AK1: variants seen among roughly 807,000 people sequenced by gnomAD.
AK1 encodes adenylate kinase isoenzyme 1.
Under a neutral mutation model 23.9 loss-of-function variants are expected in AK1, and 13 were observed. That is an observed-to-expected ratio of 0.54 (90% confidence interval 0.35 to 0.86). The LOEUF is 0.86. AK1 is among the 40% of genes least tolerant of loss of function. The probability of loss-of-function intolerance (pLI) is 0.01; values close to 1 mark genes in which losing one functional copy is unlikely to be tolerated. For synonymous variants in AK1, 97 were observed against 102.8 expected, an observed-to-expected ratio of 0.94 and a Z score of 0.34; for missense variants, 214 against 255.1, an observed-to-expected ratio of 0.84 and a Z score of 1.10.
At chr9:127,870,200 C>CT (rs36059128) in intron 5 of AK1, among the ~76,000 whole-genome samples, 100,506 of 122,176 alleles carry the variant, frequency 0.82, 41,854 homozygotes, top group Admixed American at 0.86. Context: ...AGGGTGGGGA[C>CT]TTTTTTTTTT....
At chr9:127,878,531 A>C (rs1829587312), upstream of AK1, 1 of 152,208 alleles carries the variant, frequency 6.6e-6, no homozygotes, top group Admixed American at 6.5e-5. Context: ...ACTGGCACAT[A>C]GTAGTAGGTG....
intron 3 of AK1, 56 bp from the exon 4 acceptor site, chr9:127,872,909 G>A: frequency 6.2e-7 from 1 of 1,613,204 alleles, no homozygotes; most frequent in Non-Finnish European, 8.5e-7. Context: ...GGAGGAACAG[G>A]GGCTGCCAGG....
intron 4 of AK1, 109 bp downstream of exon 4, chr9:127,872,581 G>A: frequency 2.1e-6 from 3 of 1,445,468 alleles, no homozygotes; most frequent in Non-Finnish European, 2.9e-6. Flanking sequence ...TTGGAGCCGG[G>A]GGCGGTTACG....
chr9:127,868,070 C>T lies in AK1; in HGVS notation c.523G>A (p.Ala175Thr), dbSNP rs1433788041. The change falls in exon 7 of 7, where the codon GCT becomes ACT. Residue 175 changes from alanine to threonine, a missense_variant. Coordinates refer to ENST00000644144, the MANE Select transcript of AK1 (RefSeq NM_000476.3). The surrounding 1 kb of genome is among the most constrained non-coding windows in gnomAD (Gnocchi z 4.1). The part of the protein sequence containing the change: ...EKRGIVRKVN[A>T]EGSVDSVFSQ... ...AAGACACTGTCCACGGAGCCCTCAG[C>T]GTTGACCTGTGGGGAGATGGGCCGT... The T allele has an allele frequency of 5.0e-6, 8 of 1,613,892 alleles. No individual in the cohort carries two copies. The highest frequency in any genetic ancestry group is 5.1e-6 in the Non-Finnish European group (6 of 1,179,942).
Position 127,877,539 on chromosome 9 carries a change from C to G in AK1, c.-33+84G>C, listed in dbSNP as rs1829568963. The G allele has an allele frequency of 6.5e-6, 1 of 152,886 alleles. No homozygotes were observed. The highest frequency in any genetic ancestry group is 2.4e-5 in the African/African-American group (1 of 41,450). 9.5% of individuals were successfully genotyped at this position (152,886 alleles called of 1,614,324 possible). On this transcript the variant is annotated intron_variant, in intron 1 of 6. Coordinates refer to ENST00000644144, the MANE Select transcript of AK1 (RefSeq NM_000476.3). This position sits in a 1 kb window ranked among gnomAD's most constrained non-coding sequence, Gnocchi z 5.2. ...GCCGCACAGCCCCCAGGGAGCCCCGCACCAGCACGCCCCCGCCCTCCCCCG... is the reference window on the plus strand; with the variant it reads ...GCCGCACAGCCCCCAGGGAGCCCCGGACCAGCACGCCCCCGCCCTCCCCCG...
rs1219364003 is a variant in AK1, at chr9:127,867,952, TC to T, written c.*55del. The T allele has an allele frequency of 8.9e-6, 14 of 1,574,184 alleles. No homozygotes were observed. The South Asian group carries it at 1.6e-4, about 17-fold the overall frequency. ...GCGCTGCGCTCAGGCCAGGAGGACC[TC>T]GAATCAGGACGGGGTGGGGCGGGGC... is the stretch of plus-strand genomic sequence containing the variant. On this transcript the variant is annotated 3_prime_UTR_variant, in exon 7 of 7. Transcript: ENST00000644144.
chr9:127,868,618 C>T lies in AK1; in HGVS notation c.325-106G>A, dbSNP rs1423577448. 1 of 1,316,922 alleles carries T rather than the reference C, an allele frequency of 7.6e-7. No individual in the cohort carries two copies. Among genetic ancestry groups the T allele is most frequent in the African/African-American group, 1.5e-5 (1 of 68,414 alleles). 81.6% of individuals were successfully genotyped at this position (1,316,922 alleles called of 1,614,324 possible). ...CCCAGTAGATACCCCCTCAGACCTTCAATCCCTTCCCCAAGGCAGCCTGAA... is the reference window on the plus strand; with the variant it reads ...CCCAGTAGATACCCCCTCAGACCTTTAATCCCTTCCCCAAGGCAGCCTGAA... On this transcript the variant is annotated intron_variant, in intron 5 of 6. Transcript: ENST00000644144. This position sits in a 1 kb window ranked among gnomAD's most constrained non-coding sequence, Gnocchi z 4.1.
chr9:127,873,098 C>T lies in AK1; in HGVS notation c.8-37G>A, dbSNP rs780043007. 22 of 1,605,736 alleles carry T rather than the reference C, an allele frequency of 1.4e-5. No individual in the cohort carries two copies. The Middle Eastern group carries it at 6.6e-4, about 48-fold the overall frequency. On this transcript the variant is annotated intron_variant, in intron 2 of 6. Coordinates refer to ENST00000644144, the MANE Select transcript of AK1 (RefSeq NM_000476.3). ...AAAAGGGGAGCAGGGCTCAGTCACTCGCTGGACCCACAGCCAGAGGCACCT... is the reference window on the plus strand; with the variant it reads ...AAAAGGGGAGCAGGGCTCAGTCACTTGCTGGACCCACAGCCAGAGGCACCT...
chr9:127,876,875 G>A (rs1486651489), intron 1 of AK1, among the ~76,000 whole-genome samples: 1 of 152,244 alleles, frequency 6.6e-6, no homozygotes, highest in African/African-American at 2.4e-5. Flanking sequence ...TAAGGGGCCT[G>A]TGGGGCCGAA....
upstream of AK1, chr9:127,879,496 C>G (rs1423165550): frequency 6.6e-6 from 1 of 151,394 alleles, no homozygotes; most frequent in Non-Finnish European, 1.5e-5. Flanking sequence ...GGTGGTGCGC[C>G]CCTGTAATCC....
At position 127,866,599 on chromosome 9, in the gene AK1, G is replaced by C. The variant is rs1829253649; in HGVS notation, c.*1409C>G. 1 of 152,212 alleles carries C rather than the reference G, an allele frequency of 6.6e-6. No individual in the cohort carries two copies. Among genetic ancestry groups the C allele is most frequent in the Admixed American group, 6.5e-5 (1 of 15,278 alleles). The allele number at this position is 152,212 out of a possible 1,614,324, so 9.4% of individuals were successfully genotyped here. On this transcript the variant is annotated 3_prime_UTR_variant, in exon 7 of 7. Coordinates refer to ENST00000644144, the MANE Select transcript of AK1 (RefSeq NM_000476.3). ...AACTGTTCGGATTTCATTCGGGCAG[G>C]CGGGGTCCACAAGAGGCTCTCTTGG... is the stretch of plus-strand genomic sequence containing the variant.
rs1393381803 is a variant in AK1 at position 127,871,074 on chromosome 9, T to C, written c.324+749A>G. On this transcript the variant is annotated intron_variant, in intron 5 of 6. Coordinates refer to ENST00000644144, the MANE Select transcript of AK1 (RefSeq NM_000476.3). The surrounding 1 kb of genome is among the most constrained non-coding windows in gnomAD (Gnocchi z 4.4). ...GCATGTGCAGGAGTGCAGTATCCACTGCCGTGTGTGTGCATGTGTGCACAT... is the reference window on the plus strand; with the variant it reads ...GCATGTGCAGGAGTGCAGTATCCACCGCCGTGTGTGTGCATGTGTGCACAT... Among the ~76,000 whole-genome samples the C allele has an allele frequency of 6.6e-6, 1 of 151,842 alleles. No homozygotes were observed. Among genetic ancestry groups the C allele is most frequent in the Non-Finnish European group, 1.5e-5 (1 of 68,042 alleles).
intron 1 of AK1, among the ~76,000 whole-genome samples, chr9:127,875,402 C>T (rs1441275029): frequency 6.6e-6 from 1 of 151,062 alleles, no homozygotes; most frequent in Non-Finnish European, 1.5e-5. Flanking sequence ...CCCTACCTCG[C>T]CCCCCTATCT....
At chr9:127,879,100 C>CACACACACACACAG (rs759591036), upstream of AK1, among the ~76,000 whole-genome samples, 10 of 145,856 alleles carry the variant, frequency 6.9e-5, no homozygotes, top group African/African-American at 2.5e-4. Flanking sequence ...CACACACACA[C>CACACACACACACAG]AGTCTTCAAA....
Position 127,868,508 on chromosome 9 carries a change from C to T in AK1, c.329G>A (p.Gly110Glu). The T allele has an allele frequency of 3.8e-6, 6 of 1,582,102 alleles. No homozygotes were observed. The highest frequency in any genetic ancestry group is 5.2e-6 in the Non-Finnish European group (6 of 1,163,582). The change falls in exon 6 of 7, where the codon GGA becomes GAA. Residue 110 changes from glycine to glutamate, a missense_variant. Physicochemically the swap from Gly to Glu is moderately conservative, Grantham distance 98 (BLOSUM62 -2). Coordinates refer to ENST00000644144, the MANE Select transcript of AK1 (RefSeq NM_000476.3). The surrounding 1 kb of genome is among the most constrained non-coding windows in gnomAD (Gnocchi z 4.1). ...CACATACAGCAGCAGTGTGGGCTGT[C>T]CAATCTGCAGGCGGGCACCATGTCA... ...QQGEEFERRI[G>E]QPTLLLYVDA...
intron 4 of AK1, among the ~76,000 whole-genome samples, 169 bp downstream of exon 4, chr9:127,872,521 G>T (rs181693216): frequency 1.3e-5 from 2 of 152,288 alleles, no homozygotes. Context: ...GGTCTTGGGA[G>T]CTTCTGGAAG....
intron 2 of AK1, chr9:127,873,276 C>A: frequency 6.5e-7 from 1 of 1,532,558 alleles, no homozygotes; most frequent in Non-Finnish European, 8.7e-7. Context: ...GTGCTCCAGG[C>A]AGCCAGACGG....
chr9:127,876,890 A>G (rs1424656479), intron 1 of AK1, among the ~76,000 whole-genome samples: 1 of 152,216 alleles, frequency 6.6e-6, no homozygotes, highest in Non-Finnish European at 1.5e-5. Context: ...GCCGAAGCCC[A>G]GAGGGACGGT....
At position 127,868,197 on chromosome 9, in the gene AK1, A is replaced by G; in HGVS notation, c.517-121T>C. 5 of 1,445,960 alleles carry G rather than the reference A, an allele frequency of 3.5e-6. No individual in the cohort carries two copies. Among genetic ancestry groups the G allele is most frequent in the Non-Finnish European group, 4.8e-6 (5 of 1,046,198 alleles). The allele number at this position is 1,445,960 out of a possible 1,614,324, so 89.6% of individuals were successfully genotyped here. On this transcript the variant is annotated intron_variant, in intron 6 of 6. Coordinates refer to ENST00000644144, the MANE Select transcript of AK1 (RefSeq NM_000476.3). The surrounding 1 kb of genome is among the most constrained non-coding windows in gnomAD (Gnocchi z 4.1). ...CCAACCTAATTGACAGCAGCCCCTCATTGAACCAGTGGGGAAACCAAGGCC... is the reference window on the plus strand; with the variant it reads ...CCAACCTAATTGACAGCAGCCCCTCGTTGAACCAGTGGGGAAACCAAGGCC...
Sources: allele counts gnomAD v4.1 joint callset (sites outside exome capture counted in the v4.1 genomes callset), GRCh38; gene constraint gnomAD v4.1.1; non-coding constraint Gnocchi (gnomAD v3.1); transcripts MANE v1.5; gene names NCBI Gene and HGNC (gene_info 2026-07-23, HGNC 2026-07-21).